The following KCNT2 variants were observed in gnomAD, a reference collection of about 807,000 sequenced individuals.
KCNT2 encodes potassium sodium-activated channel subfamily T member 2.
KCNT2 carries 67 observed loss-of-function variants against 153.8 expected under a neutral mutation model. The observed-to-expected ratio is 0.44, with a 90% CI of 0.36 to 0.53. The LOEUF (loss-of-function observed/expected upper bound fraction) is 0.53. Among genes scored for constraint, KCNT2 ranks in the 20% least tolerant of loss-of-function variants. The pLI is 0.00. For missense variants in KCNT2, 975 were observed against 1,354.8 expected (o/e 0.72, Z 4.40); for synonymous variants, 500 against 458.8 (o/e 1.09, Z -1.15).
intron 5 of KCNT2, among the ~76,000 whole-genome samples, chr1:196,471,672 T>C (rs1483667946): frequency 6.6e-6 from 1 of 152,214 alleles, no homozygotes; most frequent in Non-Finnish European, 1.5e-5. Flanking sequence ...TCGTATGAAC[T>C]GTGGCAGATT....
chr1:196,478,642 C>T (rs190904398), intron 5 of KCNT2, among the ~76,000 whole-genome samples: 2 of 151,970 alleles, frequency 1.3e-5, no homozygotes, highest in African/African-American at 4.8e-5. Flanking sequence ...CTGGAATTAC[C>T]CATTATATGC....
intron 26 of KCNT2, among the ~76,000 whole-genome samples, chr1:196,253,335 G>C (rs1364995600): frequency 6.6e-6 from 1 of 151,262 alleles, no homozygotes; most frequent in Non-Finnish European, 1.5e-5. Context: ...TAGGTATTCT[G>C]ATGCCACCCC....
At chr1:196,257,125 A>T in intron 26 of KCNT2, 2 of 591,200 alleles carry the variant, frequency 3.4e-6, no homozygotes, top group Non-Finnish European at 4.3e-6. Context: ...TGAAAGTCAA[A>T]ATTCTGAAAG....
At chr1:196,452,520 T>C (rs527873428) in intron 8 of KCNT2, among the ~76,000 whole-genome samples, 6 of 152,084 alleles carry the variant, frequency 3.9e-5, no homozygotes, top group Admixed American at 2.6e-4. Context: ...ATCTTGTATA[T>C]GCACTCAGCT....
At chr1:196,462,748 G>A (rs572304921) in intron 8 of KCNT2, among the ~76,000 whole-genome samples, 298 of 151,768 alleles carry the variant, frequency 2.0e-3, no homozygotes, top group Middle Eastern at 3.4e-3. Context: ...TTGTTCAAGG[G>A]CTCTAAACTA....
chr1:196,520,592 A>G (rs1653236086), intron 1 of KCNT2, among the ~76,000 whole-genome samples: 1 of 152,160 alleles, frequency 6.6e-6, no homozygotes, highest in African/African-American at 2.4e-5. Context: ...ACTGGCATGA[A>G]AACAGACACA....
At chr1:196,330,395 G>T (rs1664339905) in intron 18 of KCNT2, among the ~76,000 whole-genome samples, 1 of 151,874 alleles carries the variant, frequency 6.6e-6, no homozygotes, top group South Asian at 2.1e-4. Flanking sequence ...GGTGAAGTTA[G>T]TTGCCCAAAT....
chr1:196,550,111 T>C (rs549319528), intron 1 of KCNT2, among the ~76,000 whole-genome samples: 191 of 152,042 alleles, frequency 1.3e-3, no homozygotes, highest in African/African-American at 4.2e-3. Context: ...AAAAATTTTT[T>C]GATACCTTAC....
At chr1:196,558,354 T>C (rs745359634) in intron 1 of KCNT2, among the ~76,000 whole-genome samples, 1 of 151,134 alleles carries the variant, frequency 6.6e-6, no homozygotes. Flanking sequence ...CTGACAATTT[T>C]ATAATAATTT....
intron 9 of KCNT2, among the ~76,000 whole-genome samples, chr1:196,428,976 G>C (rs1033443451): frequency 1.3e-5 from 2 of 150,798 alleles, no homozygotes; most frequent in Non-Finnish European, 2.9e-5. Context: ...ACTCCCCAAA[G>C]TGCCACATAA....
At chr1:196,338,708 G>A (rs1358353105) in intron 16 of KCNT2, among the ~76,000 whole-genome samples, 1 of 151,850 alleles carries the variant, frequency 6.6e-6, no homozygotes, top group Non-Finnish European at 1.5e-5. Flanking sequence ...GAGTGGCAAG[G>A]CTGGAGGCAT....
chr1:196,318,980 C>A (rs1558139261), intron 20 of KCNT2, among the ~76,000 whole-genome samples: 1 of 151,530 alleles, frequency 6.6e-6, no homozygotes, highest in African/African-American at 2.4e-5. Flanking sequence ...TATTTAATTA[C>A]TAATGTATTA....
intron 14 of KCNT2, among the ~76,000 whole-genome samples, chr1:196,344,873 A>AT (rs35281888): frequency 0.033 from 5,021 of 150,732 alleles, 126 homozygotes; most frequent in Non-Finnish European, 0.048. Flanking sequence ...TTTCGTTGGA[A>AT]TTTTTTTTTT....
chr1:196,539,309 A>T (rs1455531406), intron 1 of KCNT2, among the ~76,000 whole-genome samples: 5 of 152,186 alleles, frequency 3.3e-5, no homozygotes, highest in Non-Finnish European at 7.4e-5. Context: ...TTCGCATTGC[A>T]TGGGCTGCTG....
intron 22 of KCNT2, among the ~76,000 whole-genome samples, chr1:196,304,599 A>G (rs143824618): frequency 6.6e-6 from 1 of 152,038 alleles, no homozygotes; most frequent in Non-Finnish European, 1.5e-5. Flanking sequence ...ATTTAGTAGT[A>G]AGTAAAAGCT....
At chr1:196,482,169 A>G (rs542730772) in intron 4 of KCNT2, among the ~76,000 whole-genome samples, 162 bp downstream of exon 4, 1 of 152,276 alleles carries the variant, frequency 6.6e-6, no homozygotes, top group East Asian at 1.9e-4. Flanking sequence ...GGGCTCAGAC[A>G]AACAAGAAAA....
chr1:196,257,752 C>A, intron 26 of KCNT2: 1 of 983,878 alleles, frequency 1.0e-6, no homozygotes, highest in South Asian at 4.7e-5. Context: ...TGTTTCTAAA[C>A]CACATACACT....
chr1:196,541,141 T>TAA (rs11437050), intron 1 of KCNT2, among the ~76,000 whole-genome samples: 6,476 of 151,162 alleles, frequency 0.043, 455 homozygotes, highest in African/African-American at 0.14. Context: ...TGTACTGAGA[T>TAA]AAAAAAAGCA....
At chr1:196,455,127 C>T (rs886616305) in intron 8 of KCNT2, among the ~76,000 whole-genome samples, 2 of 151,934 alleles carry the variant, frequency 1.3e-5, no homozygotes, top group Non-Finnish European at 2.9e-5. Context: ...TCTGTCTCAT[C>T]TCTCCTTATA....
Sources: gnomAD v4.1 joint callset for allele counts (sites outside exome capture counted in the v4.1 genomes callset) on GRCh38, gnomAD v4.1.1 for gene constraint, MANE v1.5 for transcripts, NCBI Gene and HGNC (gene_info 2026-07-23, HGNC 2026-07-21) for gene names.